GALNT1: variants seen among roughly 807,000 people sequenced by gnomAD.
The protein encoded by GALNT1 is polypeptide N-acetylgalactosaminyltransferase 1, also known as GalNAc transferase 1.
Under a neutral mutation model 65.7 loss-of-function variants are expected in GALNT1, and 17 were observed. The observed-to-expected ratio is 0.26, with a 90% CI of 0.18 to 0.39. The LOEUF (loss-of-function observed/expected upper bound fraction) is 0.39. Ranked by LOEUF, GALNT1 falls within the 10% of genes least tolerant of loss-of-function variation. The pLI is 1.00. For missense variants in GALNT1, 460 were observed against 672.8 expected, an observed-to-expected ratio of 0.68 and a Z score of 3.50; for synonymous variants, 210 against 219.7, an observed-to-expected ratio of 0.96 and a Z score of 0.39.
At chr18:35,620,311 A>G (rs1445916082) in intron 1 of GALNT1, among the ~76,000 whole-genome samples, 2 of 152,070 alleles carry the variant, frequency 1.3e-5, no homozygotes, top group Admixed American at 6.6e-5. Context: ...AATCTTTCCC[A>G]TATTCCCACC....
intron 1 of GALNT1, among the ~76,000 whole-genome samples, chr18:35,616,101 A>G (rs921530988): frequency 3.3e-5 from 5 of 152,198 alleles, no homozygotes; most frequent in African/African-American, 9.6e-5. Flanking sequence ...GAACTACATC[A>G]ATATGGATGA....
intron 9 of GALNT1, among the ~76,000 whole-genome samples, chr18:35,702,448 T>C (rs2048180614): frequency 6.6e-6 from 1 of 152,194 alleles, no homozygotes; most frequent in Non-Finnish European, 1.5e-5. Flanking sequence ...GAGTAGAGTT[T>C]GTACCACACT....
Position 35,689,176 on chromosome 18 carries a change from A to G in GALNT1, c.864A>G (p.Thr288=), listed in dbSNP as rs1227959975. The change falls in exon 7 of 12, where the codon ACA becomes ACG. Residue 288 remains threonine, a synonymous_variant. Coordinates refer to ENST00000269195, the MANE Select transcript of GALNT1 (RefSeq NM_020474.4). ...RKGDRTLPVR[T]PTMAGGLFSI... is the part of the protein sequence containing the mutation. Reference sequence around the variant, plus strand: ...GTATAGCATTATTGAATTTCAGGACACCTACCATGGCAGGAGGCCTTTTTT... The same window carrying G: ...GTATAGCATTATTGAATTTCAGGACGCCTACCATGGCAGGAGGCCTTTTTT... 1 of 1,591,984 alleles carries G rather than the reference A, an allele frequency of 6.3e-7. No individual in the cohort carries two copies. The highest frequency in any genetic ancestry group is 1.1e-5 in the South Asian group (1 of 90,334).
At chr18:35,605,760 G>A (rs1442646874) in intron 1 of GALNT1, among the ~76,000 whole-genome samples, 2 of 151,974 alleles carry the variant, frequency 1.3e-5, no homozygotes, top group African/African-American at 4.8e-5. Context: ...CTTAAAATCA[G>A]TAGCTTTAAG....
chr18:35,659,118 A>C (rs2047439802), intron 2 of GALNT1, among the ~76,000 whole-genome samples: 1 of 152,194 alleles, frequency 6.6e-6, no homozygotes, highest in Admixed American at 6.5e-5. Context: ...CTCCAGAGTG[A>C]CTTTTTCATA....
intron 3 of GALNT1, among the ~76,000 whole-genome samples, chr18:35,671,284 A>T (rs1378775563): frequency 1.3e-5 from 2 of 152,112 alleles, no homozygotes; most frequent in Admixed American, 6.6e-5. Flanking sequence ...TGGCACAGTC[A>T]CAGCTGACTG....
Position 35,709,765 on chromosome 18 carries a change from T to G in GALNT1, c.1675T>G (p.Phe559Val). ...TCGAAACGTCACCCTGCCAGAAATA[T>G]TCTGAGACCAAATTTACAAAAAAAC... ...LLRNVTLPEI[F>V] The change falls in exon 12 of 12, where the codon TTC (phenylalanine) becomes GTC (valine). Residue 559 changes from phenylalanine (F) to valine (V), a missense_variant. Physicochemically the swap from Phe to Val is conservative, Grantham distance 50 (BLOSUM62 -1). Coordinates refer to ENST00000269195, the MANE Select transcript of GALNT1 (RefSeq NM_020474.4). 6.2e-7 allele frequency: 1 copy of G among 1,614,026 alleles called. No homozygotes were observed. The highest frequency in any genetic ancestry group is 8.5e-7 in the Non-Finnish European group (1 of 1,179,964).
intron 1 of GALNT1, chr18:35,596,269 A>G (rs543332976): frequency 6.6e-6 from 1 of 152,366 alleles, no homozygotes; most frequent in South Asian, 2.1e-4. Context: ...AAATAGGTAG[A>G]CAAGTCAAAA....
At chr18:35,647,191 GTCTT>G (rs1251188512) in intron 1 of GALNT1, among the ~76,000 whole-genome samples, 1 of 152,142 alleles carries the variant, frequency 6.6e-6, no homozygotes, top group Non-Finnish European at 1.5e-5. Context: ...CTCAAACCAT[GTCTT>G]TCTTAGGGAA....
At chr18:35,626,368 G>A (rs544471480) in intron 1 of GALNT1, among the ~76,000 whole-genome samples, 11 of 152,250 alleles carry the variant, frequency 7.2e-5, no homozygotes, top group African/African-American at 1.2e-4. Flanking sequence ...ACTAAGTAAC[G>A]CCGTGTCTAA....
At position 35,701,827 on chromosome 18, in the gene GALNT1, C is replaced by T. The variant is rs76910364; in HGVS notation, c.1300-1070C>T. ...TTGAGAAATTCTGTTTTGAACGAAC[C>T]GAGTTTGAGATTTTGGTGGAATAGC... is the stretch of plus-strand genomic sequence containing the variant. On this transcript the variant is annotated intron_variant, in intron 9 of 11. Transcript: ENST00000269195. 9.9e-3 allele frequency among the ~76,000 whole-genome samples: 1,511 copies of T among 152,112 alleles called. 30 individuals are homozygous for T. The highest frequency in any genetic ancestry group is 0.034 in the African/African-American group (1,426 of 41,474).
intron 3 of GALNT1, 36 bp downstream of exon 3, chr18:35,663,838 G>A: frequency 1.9e-6 from 3 of 1,588,310 alleles, no homozygotes; most frequent in Non-Finnish European, 2.6e-6. Context: ...GTATGTGAAT[G>A]AAAAGTATAT....
intron 11 of GALNT1, among the ~76,000 whole-genome samples, chr18:35,706,217 T>A (rs1007194575): frequency 6.6e-6 from 1 of 152,026 alleles, no homozygotes; most frequent in African/African-American, 2.4e-5. Context: ...ATAAGAGTAT[T>A]TAGAAAGAGC....
chr18:35,586,567 A>G (rs1337198804), intron 1 of GALNT1, among the ~76,000 whole-genome samples: 1 of 151,164 alleles, frequency 6.6e-6, no homozygotes, highest in Admixed American at 6.6e-5. Context: ...TGTGGTTTTT[A>G]CATGATCCAG....
At chr18:35,678,010 CAT>C (rs1216698047) in intron 4 of GALNT1, among the ~76,000 whole-genome samples, 1 of 151,876 alleles carries the variant, frequency 6.6e-6, no homozygotes, top group East Asian at 1.9e-4. Flanking sequence ...TGCTCTATAA[CAT>C]AAACTATTAT....
chr18:35,660,589 GTTTC>G (rs777308556), intron 2 of GALNT1, among the ~76,000 whole-genome samples: 1 of 152,078 alleles, frequency 6.6e-6, no homozygotes, highest in Non-Finnish European at 1.5e-5. Context: ...ACTCATTTCA[GTTTC>G]TTTCTAATAA....
rs2062054371 is a variant in GALNT1, at chr18:35,654,540, T to C, written c.-103-20T>C. The C allele has an allele frequency of 2.6e-6, 1 of 382,146 alleles. No individual in the cohort carries two copies. The highest frequency in any genetic ancestry group is 4.2e-6 in the Non-Finnish European group (1 of 240,758). The allele number at this position is 382,146 out of a possible 1,614,324, so 23.7% of individuals were successfully genotyped here. A position where few individuals can be genotyped will look rare whatever the true frequency, so the allele number is the denominator to read the frequency against. ...GTTCTGAATTTTTAAGTTAATCTTT[T>C]TTCCTTTCTTTCTCTATAGGGTATG... On this transcript the variant is annotated intron_variant, in intron 1 of 11. Coordinates refer to ENST00000269195, the MANE Select transcript of GALNT1 (RefSeq NM_020474.4).
At chr18:35,582,929 C>T (rs529670675) in intron 1 of GALNT1, among the ~76,000 whole-genome samples, 1 of 152,338 alleles carries the variant, frequency 6.6e-6, no homozygotes, top group East Asian at 1.9e-4. Flanking sequence ...AAAAATTCAG[C>T]TCCTCGGTCA....
intron 1 of GALNT1, among the ~76,000 whole-genome samples, chr18:35,646,782 G>A (rs1568023159): frequency 6.6e-6 from 1 of 152,080 alleles, no homozygotes; most frequent in African/African-American, 2.4e-5. Flanking sequence ...ATAAGTCAAG[G>A]GCTTCTGTCT....
Sources: allele counts gnomAD v4.1 joint callset (sites outside exome capture counted in the v4.1 genomes callset), GRCh38; gene constraint gnomAD v4.1.1; transcripts MANE v1.5; gene names NCBI Gene and HGNC (gene_info 2026-07-23, HGNC 2026-07-21).